LIN28B: variants seen among roughly 807,000 people sequenced by gnomAD.
LIN28B encodes lin-28 RNA binding posttranscriptional regulator B, also known as protein lin-28 homolog B.
A neutral mutation model predicts 21.9 loss-of-function variants in LIN28B; 5 were observed. The observed-to-expected ratio is 0.23, with a 90% CI of 0.12 to 0.48. The LOEUF (loss-of-function observed/expected upper bound fraction) is 0.48. Ranked by LOEUF, LIN28B falls within the 20% of genes least tolerant of loss-of-function variation. The probability of loss-of-function intolerance (pLI) is 0.98; values close to 1 mark genes in which losing one functional copy is unlikely to be tolerated. For synonymous variants in LIN28B, 109 were observed against 111.3 expected (o/e 0.98, Z 0.13); for missense variants, 245 against 310.5 (o/e 0.79, Z 1.58).
intron 3 of LIN28B, among the ~76,000 whole-genome samples, chr6:105,059,466 TC>T (rs1306250863): frequency 6.6e-6 from 1 of 152,202 alleles, no homozygotes; most frequent in Non-Finnish European, 1.5e-5. Context: ...TAGCATCTCT[TC>T]AAGTTTCAGA....
In LIN28B at chr6:105,025,725, A is replaced by G. The variant is rs553378386; in HGVS notation, c.199-573A>G. On this transcript the variant is annotated intron_variant, in intron 2 of 3. Coordinates refer to ENST00000345080, the MANE Select transcript of LIN28B (RefSeq NM_001004317.4). ...GAAGTTCAAGACCAGCTTGGGCAACATAGTGAGTCCCATATCAAAAATAAA... is the reference window on the plus strand; with the variant it reads ...GAAGTTCAAGACCAGCTTGGGCAACGTAGTGAGTCCCATATCAAAAATAAA... Among the ~76,000 whole-genome samples the G allele has an allele frequency of 6.6e-5, 10 of 152,282 alleles. No homozygotes were observed. The South Asian group carries it at 1.7e-3, about 25-fold the overall frequency.
chr6:104,991,433 G>T (rs1335574066), intron 2 of LIN28B, among the ~76,000 whole-genome samples: 1 of 150,340 alleles, frequency 6.7e-6, no homozygotes, highest in Non-Finnish European at 1.5e-5. Context: ...GGGCAGAGGT[G>T]ATCCCCACAT....
intron 2 of LIN28B, among the ~76,000 whole-genome samples, chr6:104,938,049 A>C (rs1778030671): frequency 1.8e-5 from 1 of 56,052 alleles, no homozygotes; most frequent in Non-Finnish European, 3.9e-5. Flanking sequence ...ACCTGTCTCT[A>C]CAAAAAAAAA....
intron 3 of LIN28B, among the ~76,000 whole-genome samples, chr6:105,036,727 T>C (rs1275168703): frequency 6.6e-6 from 1 of 152,154 alleles, no homozygotes; most frequent in Non-Finnish European, 1.5e-5. Context: ...TTATAATAAA[T>C]AATAAAATAA....
At chr6:105,034,799 A>G (rs187503961) in intron 3 of LIN28B, among the ~76,000 whole-genome samples, 91 of 152,222 alleles carry the variant, frequency 6.0e-4, no homozygotes, top group African/African-American at 1.9e-3. Flanking sequence ...TTGTGGCCTC[A>G]AATTCTTTAA....
chr6:104,996,046 T>C (rs1299737087), intron 2 of LIN28B, among the ~76,000 whole-genome samples: 1 of 151,952 alleles, frequency 6.6e-6, no homozygotes, highest in East Asian at 1.9e-4. Context: ...GGTTTATAAT[T>C]TGCAGCAGTG....
chr6:104,957,379 T>G, intron 1 of LIN28B, 119 bp downstream of exon 1: 1 of 547,590 alleles, frequency 1.8e-6, no homozygotes. Context: ...ATACTGGGCA[T>G]TACCTCCCAA....
intron 2 of LIN28B, among the ~76,000 whole-genome samples, chr6:104,975,922 T>C (rs1770083277): frequency 1.3e-5 from 2 of 150,738 alleles, no homozygotes; most frequent in Non-Finnish European, 3.0e-5. Context: ...AGCAATCCGA[T>C]TACCCCACCT....
chr6:105,049,424 G>A (rs948519429), intron 3 of LIN28B, among the ~76,000 whole-genome samples: 3 of 152,166 alleles, frequency 2.0e-5, no homozygotes, highest in African/African-American at 7.2e-5. Flanking sequence ...ACTTCCAAGT[G>A]TGTGGTCAAT....
intron 2 of LIN28B, among the ~76,000 whole-genome samples, chr6:104,987,199 A>G (rs561632449): frequency 2.0e-5 from 3 of 152,214 alleles, no homozygotes; most frequent in Non-Finnish European, 2.9e-5. Context: ...GATTATTCCT[A>G]TATATTTGAT....
intron 2 of LIN28B, among the ~76,000 whole-genome samples, chr6:105,024,194 G>A (rs143329176): frequency 0.014 from 2,146 of 152,176 alleles, 26 homozygotes; most frequent in Non-Finnish European, 0.023. Flanking sequence ...GTTTTGCCAC[G>A]TTGGCCAGGC....
In LIN28B at chr6:104,978,468, G is replaced by T. The variant is rs75134095; in HGVS notation, c.198+20182G>T. 2.3e-4 allele frequency among the ~76,000 whole-genome samples: 35 copies of T among 152,046 alleles called. No homozygotes were observed. The East Asian group carries it at 6.2e-3, about 27-fold the overall frequency. ...CCTTAACTCAGATTTCTTATTTATAGAAATCAGTAACACTAATTTTATAGG... is the reference window on the plus strand; with the variant it reads ...CCTTAACTCAGATTTCTTATTTATATAAATCAGTAACACTAATTTTATAGG... On this transcript the variant is annotated intron_variant, in intron 2 of 3. Coordinates refer to ENST00000345080, the MANE Select transcript of LIN28B (RefSeq NM_001004317.4).
intron 2 of LIN28B, among the ~76,000 whole-genome samples, chr6:105,003,536 G>A (rs764770704): frequency 6.6e-5 from 10 of 151,412 alleles, no homozygotes; most frequent in Non-Finnish European, 8.8e-5. Flanking sequence ...TTTGAGAGAC[G>A]GATTCTTGCT....
At chr6:104,957,070 C>G, upstream of LIN28B, 1 of 1,480,194 alleles carries the variant, frequency 6.8e-7, no homozygotes, top group South Asian at 1.4e-5. Flanking sequence ...CACGTGTGCT[C>G]AGGGGGCCAG....
chr6:105,006,685 A>G (rs1434916867), intron 2 of LIN28B, among the ~76,000 whole-genome samples: 1 of 152,152 alleles, frequency 6.6e-6, no homozygotes, highest in African/African-American at 2.4e-5. Flanking sequence ...TCTCTCTTGC[A>G]CTACATGTTC....
At chr6:104,952,451 G>T (rs768293596), upstream of LIN28B, among the ~76,000 whole-genome samples, 6 of 152,102 alleles carry the variant, frequency 3.9e-5, no homozygotes, top group Non-Finnish European at 7.4e-5. Context: ...TATTTTTCCT[G>T]CTTATTGGGA....
At chr6:104,994,129 C>T (rs768463500) in intron 2 of LIN28B, among the ~76,000 whole-genome samples, 2 of 152,064 alleles carry the variant, frequency 1.3e-5, no homozygotes, top group Non-Finnish European at 2.9e-5. Context: ...CTCAGCCTTC[C>T]AAGTAGCTGG....
At chr6:104,946,118 C>G (rs538073473) in intron 2 of LIN28B, among the ~76,000 whole-genome samples, 1 of 151,788 alleles carries the variant, frequency 6.6e-6, no homozygotes, top group East Asian at 1.9e-4. Context: ...AGAAATAATG[C>G]AACTTTGAGA....
In LIN28B at chr6:105,079,227, C is replaced by A. The variant is rs1369149459; in HGVS notation, c.*444C>A. 6.5e-6 allele frequency: 1 copy of A among 153,690 alleles called. No individual in the cohort carries two copies. The highest frequency in any genetic ancestry group is 2.4e-5 in the African/African-American group (1 of 41,412). The allele number at this position is 153,690 out of a possible 1,614,324, so 9.5% of individuals were successfully genotyped here. A position where few individuals can be genotyped will look rare whatever the true frequency, so the allele number is the denominator to read the frequency against. On this transcript the variant is annotated 3_prime_UTR_variant, in exon 4 of 4. Coordinates refer to ENST00000345080, the MANE Select transcript of LIN28B (RefSeq NM_001004317.4). Reference sequence around the variant, plus strand: ...AACCCACTGGAGTTTTCTTGAAATACCACTTCTTTTATATTATATAAAACT... The same window carrying A: ...AACCCACTGGAGTTTTCTTGAAATAACACTTCTTTTATATTATATAAAACT...
Sources: gnomAD v4.1 joint callset for allele counts (sites outside exome capture counted in the v4.1 genomes callset) on GRCh38, gnomAD v4.1.1 for gene constraint, MANE v1.5 for transcripts, NCBI Gene and HGNC (gene_info 2026-07-23, HGNC 2026-07-21) for gene names.